The following KHDC4 variants were observed in gnomAD, a reference collection of about 807,000 sequenced individuals.
KHDC4 encodes KH homology domain-containing protein 4.
In KHDC4, 19 loss-of-function variants were observed where a neutral mutation model predicts 74.5. The observed-to-expected ratio is 0.26, with a 90% CI of 0.18 to 0.37. The LOEUF is 0.37. Ranked by LOEUF, KHDC4 falls within the 10% of genes least tolerant of loss-of-function variation. KHDC4 has a pLI of 1.00. For missense variants in KHDC4, 632 were observed against 754.1 expected (o/e 0.84, Z 1.90); for synonymous variants, 253 against 266.1 (o/e 0.95, Z 0.48).
At position 155,913,874 on chromosome 1, in the gene KHDC4, C is replaced by A. The variant is rs929715384; in HGVS notation, c.*247G>T. The A allele has an allele frequency of 1.8e-5, 9 of 497,978 alleles. No individual in the cohort carries two copies. Among genetic ancestry groups the A allele is most frequent in the African/African-American group, 1.5e-4 (8 of 51,806 alleles). 30.8% of individuals were successfully genotyped at this position (497,978 alleles called of 1,614,324 possible). On this transcript the variant is annotated 3_prime_UTR_variant, in exon 14 of 14. Transcript: ENST00000368321. ...GCTTTGTTGGACAAGCACATTTCAC[C>A]AACTGTTAAAAAGCTTCTGAGATAA...
At chr1:155,916,018 T>C (rs1673722918) in intron 12 of KHDC4, 54 bp from the exon 13 acceptor site, 1 of 1,130,876 alleles carries the variant, frequency 8.8e-7, no homozygotes, top group Non-Finnish European at 1.3e-6. Flanking sequence ...TTTCTTAACT[T>C]ATCCAGTGGA....
chr1:155,921,082 C>T (rs1365343594), intron 10 of KHDC4, among the ~76,000 whole-genome samples: 1 of 152,168 alleles, frequency 6.6e-6, no homozygotes, highest in Admixed American at 6.5e-5. Flanking sequence ...GAATGTATGG[C>T]CCTTAAAGCC....
intron 6 of KHDC4, chr1:155,926,049 T>A (rs1457910035): frequency 4.1e-6 from 3 of 736,584 alleles, no homozygotes; most frequent in Non-Finnish European, 7.5e-6. Context: ...ATCAGCAAAG[T>A]CTTACTTCAT....
At position 155,915,982 on chromosome 1, in the gene KHDC4, G is replaced by A; in HGVS notation, c.1554-18C>T. ...TCAACTGCCTATTGAAAAACAAAAT[G>A]AAACTTTCTTTCAGACAATTTAAAT... On this transcript the variant is annotated intron_variant, in intron 12 of 13. Transcript: ENST00000368321. 2.0e-6 allele frequency: 3 copies of A among 1,500,284 alleles called. No homozygotes were observed. The highest frequency in any genetic ancestry group is 2.7e-6 in the Non-Finnish European group (3 of 1,099,954). The allele number at this position is 1,500,284 out of a possible 1,614,324, so 92.9% of individuals were successfully genotyped here.
At chr1:155,918,917 C>A (rs1266968811) in intron 10 of KHDC4, among the ~76,000 whole-genome samples, 1 of 150,776 alleles carries the variant, frequency 6.6e-6, no homozygotes, top group Non-Finnish European at 1.5e-5. Context: ...CAATATCACA[C>A]AGCTCAAAAA....
At position 155,929,793 on chromosome 1, in the gene KHDC4, G is replaced by A. The variant is rs1351715084; in HGVS notation, c.303C>T (p.Asp101=). The A allele has an allele frequency of 6.2e-7, 1 of 1,611,282 alleles. No individual in the cohort carries two copies. Among genetic ancestry groups the A allele is most frequent in the Admixed American group, 1.7e-5 (1 of 59,602 alleles). Residue 101 remains aspartate, a synonymous_variant, in exon 3 of 14, where the codon GAC becomes GAT. Coordinates refer to ENST00000368321, the MANE Select transcript of KHDC4 (RefSeq NM_014949.4). ...TAATTTCTACTTCAGCTACCACCAGGTCATCCTTGCTTTTATTGCTAGTTA... is the reference window on the plus strand; with the variant it reads ...TAATTTCTACTTCAGCTACCACCAGATCATCCTTGCTTTTATTGCTAGTTA... ...KGLTSNKSKD[D]LVVAEVEIND... is the part of the protein sequence containing the mutation.
At position 155,925,623 on chromosome 1, in the gene KHDC4, C is replaced by T; in HGVS notation, c.893+9G>A. ...GAATTCACATGTCCCCTGCCCTATC[C>T]ATCCATACCTGATGTAAATATACAT... On this transcript the variant is annotated intron_variant, in intron 7 of 13. Transcript: ENST00000368321. 5.0e-6 allele frequency: 8 copies of T among 1,609,164 alleles called. No individual in the cohort carries two copies. The highest frequency in any genetic ancestry group is 6.8e-6 in the Non-Finnish European group (8 of 1,175,484).
intron 10 of KHDC4, among the ~76,000 whole-genome samples, chr1:155,919,574 T>C (rs1476624650): frequency 6.6e-6 from 1 of 150,688 alleles, no homozygotes; most frequent in Admixed American, 6.6e-5. Flanking sequence ...ACTTTGGGAG[T>C]CTGAGGTGGG....
At chr1:155,926,226 A>T (rs1673991280) in intron 6 of KHDC4, 3 of 392,940 alleles carry the variant, frequency 7.6e-6, no homozygotes, top group Middle Eastern at 8.5e-4. Flanking sequence ...TACCGTGGAG[A>T]GCTGGATAAC....
Position 155,929,360 on chromosome 1 carries a change from C to T in KHDC4, c.400G>A (p.Gly134Arg), listed in dbSNP as rs1309307960. Reference protein sequence around the residue: ...QTQDEISRLSGAAVSTRGRFM... With the variant: ...QTQDEISRLSRAAVSTRGRFM... ...CTCCCTCGAGTTGATACTGCAGCCC[C>T]ACTAAGTCGGCTGATCTAAAAAAGG... The change falls in exon 4 of 14, where the codon GGG becomes AGG. Residue 134 changes from glycine (G) to arginine (R), a missense_variant. Physicochemically the swap from Gly to Arg is moderately radical, Grantham distance 125. Around this residue, in one of 4 missense-constraint regions of KHDC4, gnomAD observed 233 missense variants for 342.6 expected, o/e 0.68. Coordinates refer to ENST00000368321, the MANE Select transcript of KHDC4 (RefSeq NM_014949.4). 1 of 1,613,748 alleles carries T rather than the reference C, an allele frequency of 6.2e-7. No individual in the cohort carries two copies. Among genetic ancestry groups the T allele is most frequent in the Admixed American group, 1.7e-5 (1 of 59,960 alleles).
In KHDC4 at chr1:155,929,704, C is replaced by T; in HGVS notation, c.384+8G>A. 12 of 1,608,170 alleles carry T rather than the reference C, an allele frequency of 7.5e-6. No individual in the cohort carries two copies. Among genetic ancestry groups the T allele is most frequent in the Non-Finnish European group, 2.5e-6 (3 of 1,178,302 alleles). ...CGCCCTCCCCAAAGAGTCTCAATGC[C>T]TCCTCACCTCGTCTTGAGTCTGTCC... On this transcript the variant is annotated splice_region_variant and intron_variant, in intron 3 of 13. Coordinates refer to ENST00000368321, the MANE Select transcript of KHDC4 (RefSeq NM_014949.4).
chr1:155,927,574 G>A (rs766783044), intron 4 of KHDC4, among the ~76,000 whole-genome samples: 7 of 152,104 alleles, frequency 4.6e-5, no homozygotes, highest in Non-Finnish European at 8.8e-5. Flanking sequence ...GGAGGCTGAG[G>A]TGGGTGGATG....
At chr1:155,925,932 A>G in intron 6 of KHDC4, 89 bp from the exon 7 acceptor site, 5 of 1,137,058 alleles carry the variant, frequency 4.4e-6, no homozygotes, top group Non-Finnish European at 5.3e-6. Flanking sequence ...ATTATAGCAA[A>G]GACAGTCTCC....
chr1:155,929,096 A>G (rs1674089102), intron 4 of KHDC4, among the ~76,000 whole-genome samples, 200 bp downstream of exon 4: 1 of 152,200 alleles, frequency 6.6e-6, no homozygotes, highest in African/African-American at 2.4e-5. Context: ...AAAAACATTA[A>G]ATGTGAAATA....
At position 155,914,029 on chromosome 1, in the gene KHDC4, TC is replaced by T; in HGVS notation, c.*91del. 8.8e-7 allele frequency: 1 copy of T among 1,137,314 alleles called. No individual in the cohort carries two copies. The highest frequency in any genetic ancestry group is 2.4e-5 in the East Asian group (1 of 42,302). 70.5% of individuals were successfully genotyped at this position (1,137,314 alleles called of 1,614,324 possible). A position where few individuals can be genotyped will look rare whatever the true frequency, so the allele number is the denominator to read the frequency against. On this transcript the variant is annotated 3_prime_UTR_variant, in exon 14 of 14. Coordinates refer to ENST00000368321, the MANE Select transcript of KHDC4 (RefSeq NM_014949.4). ...TAACTTCTGCAAAGGTCCAGATGGT[TC>T]CCAGCACAGGCCCCAGAGTCTTGTT... is the stretch of plus-strand genomic sequence containing the variant.
In KHDC4 at chr1:155,926,619, C is replaced by T. The variant is rs765038879; in HGVS notation, c.681+57G>A. On this transcript the variant is annotated intron_variant, in intron 6 of 13. Coordinates refer to ENST00000368321, the MANE Select transcript of KHDC4 (RefSeq NM_014949.4). ...GGAATGAGCCACTGTGCCTGGCCAG[C>T]ACATATCATTTTTATAGAAATGATA... 21 of 1,570,746 alleles carry T rather than the reference C, an allele frequency of 1.3e-5. No individual in the cohort carries two copies. In the South Asian group the frequency reaches 2.3e-4, roughly 17 times the overall value.
intron 8 of KHDC4, among the ~76,000 whole-genome samples, chr1:155,922,486 C>T (rs1673889578): frequency 6.6e-6 from 1 of 152,110 alleles, no homozygotes; most frequent in African/African-American, 2.4e-5. Context: ...AATTATTAAG[C>T]CAATTTTGGG....
intron 8 of KHDC4, 124 bp from the exon 9 acceptor site, chr1:155,922,042 C>G: frequency 1.9e-6 from 1 of 537,750 alleles, no homozygotes; most frequent in Non-Finnish European, 3.3e-6. Flanking sequence ...ATGTTCCAAT[C>G]AAATTTAAAC....
Position 155,917,528 on chromosome 1 carries a change from C to T in KHDC4, c.1411G>A (p.Glu471Lys), listed in dbSNP as rs1367467162. 6.4e-7 allele frequency: 1 copy of T among 1,559,800 alleles called. No individual in the cohort carries two copies. The highest frequency in any genetic ancestry group is 1.1e-5 in the South Asian group (1 of 90,314). The change falls in exon 11 of 14, where the codon GAA becomes AAA. Residue 471 changes from glutamate to lysine, a missense_variant. Around this residue, in one of 4 missense-constraint regions of KHDC4, gnomAD observed 254 missense variants for 267.4 expected, o/e 0.95. Transcript: ENST00000368321. ...KRRFTEELPD[E>K]RESGLLGYQH... ...TATCCAAGCAGTCCAGATTCCCGTTCATCTGGTAGCTCCTCTGTGAATCGT... is the reference window on the plus strand; with the variant it reads ...TATCCAAGCAGTCCAGATTCCCGTTTATCTGGTAGCTCCTCTGTGAATCGT...
Sources: gnomAD v4.1 joint callset for allele counts (sites outside exome capture counted in the v4.1 genomes callset) on GRCh38, gnomAD v4.1.1 for gene constraint, gnomAD v4.1.1 regional missense constraint, MANE v1.5 for transcripts, NCBI Gene and HGNC (gene_info 2026-07-23, HGNC 2026-07-21) for gene names.